The following HYDIN variants were observed in gnomAD, a reference collection of about 807,000 sequenced individuals.
HYDIN encodes the protein axonemal central pair apparatus protein HYDIN.
A neutral mutation model predicts 403.9 loss-of-function variants in HYDIN; 132 were observed. That is an observed-to-expected ratio of 0.33 (90% CI 0.28 to 0.38). The LOEUF is 0.38. Ranked by LOEUF, HYDIN falls within the 10% of genes least tolerant of loss-of-function variation. The pLI, the probability that HYDIN is intolerant of heterozygous loss-of-function variation, is 1.00. For synonymous variants in HYDIN, 1,202 were observed against 1,891.7 expected (o/e 0.64, Z 9.46); for missense variants, 2,827 against 5,009.5 (o/e 0.56, Z 13.15).
At chr16:71,148,835 T>C (rs1281932549) in intron 7 of HYDIN, among the ~76,000 whole-genome samples, 5 of 139,082 alleles carry the variant, frequency 3.6e-5, no homozygotes, top group Admixed American at 1.4e-4. Context: ...CTCAGCTCAC[T>C]GCAACCTCTG....
chr16:71,064,948 C>T, intron 15 of HYDIN, 108 bp from the exon 16 acceptor site: 1 of 1,080,136 alleles, frequency 9.3e-7, no homozygotes, highest in Non-Finnish European at 1.3e-6. Flanking sequence ...AGTAGTTTTT[C>T]TCTAATAACC....
intron 18 of HYDIN, among the ~76,000 whole-genome samples, chr16:71,045,250 G>A (rs1597630240): frequency 1.3e-5 from 2 of 152,232 alleles, no homozygotes; most frequent in East Asian, 3.9e-4. Context: ...CACTAGCTTT[G>A]TTGCTCCCCA....
chr16:71,153,599 T>C (rs1280711350), intron 6 of HYDIN, among the ~76,000 whole-genome samples: 2 of 151,828 alleles, frequency 1.3e-5, no homozygotes, highest in Non-Finnish European at 2.9e-5. Flanking sequence ...TCCCATCTCA[T>C]TGTCTACCAG....
intron 18 of HYDIN, among the ~76,000 whole-genome samples, chr16:71,045,098 G>A (rs1485552821): frequency 1.3e-5 from 2 of 152,192 alleles, no homozygotes; most frequent in African/African-American, 4.8e-5. Flanking sequence ...TCCCTAGCCT[G>A]ACTTGACTCC....
chr16:70,977,926 C>T (rs2078934367), intron 30 of HYDIN, among the ~76,000 whole-genome samples: 1 of 151,752 alleles, frequency 6.6e-6, no homozygotes, highest in African/African-American at 2.4e-5. Context: ...TTCCTGCTCA[C>T]TAGACATACT....
intron 30 of HYDIN, among the ~76,000 whole-genome samples, chr16:70,976,493 T>G (rs978191244): frequency 6.6e-6 from 1 of 151,060 alleles, no homozygotes; most frequent in African/African-American, 2.4e-5. Flanking sequence ...AATCTACATG[T>G]GATAAAATTG....
At chr16:70,991,871 G>C (rs1360231232) in intron 24 of HYDIN, among the ~76,000 whole-genome samples, 199 bp downstream of exon 24, 1 of 152,062 alleles carries the variant, frequency 6.6e-6, no homozygotes, top group African/African-American at 2.4e-5. Context: ...GATAGGAAGG[G>C]CTCAGTCCCC....
At chr16:70,820,170 AT>A (rs145606548) in intron 83 of HYDIN, among the ~76,000 whole-genome samples, 9 of 98,586 alleles carry the variant, frequency 9.1e-5, no homozygotes, top group African/African-American at 2.7e-4. Flanking sequence ...ATTTAAAGTG[AT>A]TTTTTTTTCT....
intron 19 of HYDIN, among the ~76,000 whole-genome samples, chr16:71,031,155 G>C (rs4788727): frequency 1.4e-5 from 2 of 138,978 alleles, no homozygotes; most frequent in East Asian, 2.1e-4. Flanking sequence ...AGCAGAGATC[G>C]CGCCACTGCA....
chr16:71,097,844 A>G (rs2083319378), intron 10 of HYDIN, among the ~76,000 whole-genome samples: 1 of 151,916 alleles, frequency 6.6e-6, no homozygotes, highest in African/African-American at 2.4e-5. Context: ...TCAGTATTAC[A>G]GAAAGTATGC....
At chr16:71,222,344 T>C (rs1377388374) in intron 1 of HYDIN, among the ~76,000 whole-genome samples, 1 of 152,032 alleles carries the variant, frequency 6.6e-6, no homozygotes, top group Non-Finnish European at 1.5e-5. Flanking sequence ...CTCAAAATAA[T>C]AAAAGCCATA....
At chr16:70,818,707 C>T (rs1280506585) in intron 83 of HYDIN, 135 bp from the exon 84 acceptor site, 24 of 571,582 alleles carry the variant, frequency 4.2e-5, no homozygotes, top group South Asian at 2.6e-4. Context: ...GCTGACAGGA[C>T]GCTCGCAGCC....
rs1183645777 is a variant in HYDIN, at chr16:70,970,744, T to A, written c.5395A>T (p.Thr1799Ser). ...MPKEEKFYSQTLVFQIAQSAQ... is the reference protein window; with the variant it reads ...MPKEEKFYSQSLVFQIAQSAQ... ...CTCTGGGCAATCTGAAACACCAGGG[T>A]TTGGCTGTAGAATTTCTGGAAAACA... is the stretch of plus-strand genomic sequence containing the variant. Residue 1799 changes from threonine (T) to serine (S), a missense_variant, in exon 36 of 86, where the codon ACC becomes TCC. By Grantham distance (58) the Thr-to-Ser change is moderately conservative (BLOSUM62 1). Transcript: ENST00000393567. 1 of 1,573,706 alleles carries A rather than the reference T, an allele frequency of 6.4e-7. No homozygotes were observed. The highest frequency in any genetic ancestry group is 1.9e-5 in the Admixed American group (1 of 52,940).
intron 1 of HYDIN, among the ~76,000 whole-genome samples, chr16:71,222,541 T>C (rs1471005435): frequency 6.6e-6 from 1 of 152,090 alleles, no homozygotes; most frequent in Non-Finnish European, 1.5e-5. Flanking sequence ...GAAGTCAAAC[T>C]GTCACTGTTT....
intron 7 of HYDIN, among the ~76,000 whole-genome samples, chr16:71,141,243 T>C (rs1002789755): frequency 6.7e-6 from 1 of 149,990 alleles, no homozygotes; most frequent in Non-Finnish European, 1.5e-5. Context: ...AAGACATATT[T>C]GTAAAAAAAA....
At chr16:71,196,332 G>A (rs1429002996) in intron 1 of HYDIN, among the ~76,000 whole-genome samples, 1 of 152,152 alleles carries the variant, frequency 6.6e-6, no homozygotes, top group Non-Finnish European at 1.5e-5. Context: ...ATATGAGTGA[G>A]CAGCATCCAA....
intron 18 of HYDIN, among the ~76,000 whole-genome samples, chr16:71,040,368 C>A (rs2081245530): frequency 6.8e-6 from 1 of 147,706 alleles, no homozygotes; most frequent in South Asian, 2.2e-4. Flanking sequence ...CTGCTGCTCT[C>A]CTGCTGGGGA....
At chr16:70,968,707 A>G (rs1165182996) in intron 36 of HYDIN, among the ~76,000 whole-genome samples, 3 of 152,188 alleles carry the variant, frequency 2.0e-5, no homozygotes, top group East Asian at 3.9e-4. Context: ...TAAGGTCCAG[A>G]GTCTCATAAC....
intron 25 of HYDIN, among the ~76,000 whole-genome samples, chr16:70,990,207 G>C (rs570864006): frequency 6.6e-6 from 1 of 151,180 alleles, no homozygotes; most frequent in Admixed American, 6.6e-5. Context: ...ACCACCCCGG[G>C]CAACATGGTG....
Sources: allele counts gnomAD v4.1 joint callset (sites outside exome capture counted in the v4.1 genomes callset), GRCh38; gene constraint gnomAD v4.1.1; transcripts MANE v1.5; gene names NCBI Gene and HGNC (gene_info 2026-07-23, HGNC 2026-07-21).